Variants in AK8 observed in about 807,000 individuals in gnomAD.
AK8 encodes ATP-AMP transphosphorylase 8.
AK8 carries 44 observed loss-of-function variants against 54.6 expected under a neutral mutation model. The ratio of observed to expected loss-of-function variants is 0.81; its 90% CI spans 0.63 to 1.04. The LOEUF is 1.04. AK8 is among the 50% of genes least tolerant of loss of function. The probability of loss-of-function intolerance (pLI) is 0.00; values close to 1 mark genes in which losing one functional copy is unlikely to be tolerated. For synonymous variants in AK8, 239 were observed against 245.6 expected, an observed-to-expected ratio of 0.97 and a Z score of 0.25; for missense variants, 555 against 613.6, an observed-to-expected ratio of 0.90 and a Z score of 1.01.
intron 11 of AK8, among the ~76,000 whole-genome samples, chr9:132,729,329 C>A (rs758324880): frequency 6.6e-5 from 10 of 152,166 alleles, no homozygotes; most frequent in Non-Finnish European, 1.3e-4. Flanking sequence ...GGACAGCACC[C>A]ACCTCAAATA....
chr9:132,727,212 G>C (rs1564368065), intron 12 of AK8, among the ~76,000 whole-genome samples: 1 of 152,192 alleles, frequency 6.6e-6, no homozygotes. Context: ...TCCCAGGATA[G>C]AGTGGGTGAA....
At chr9:132,878,310 C>G, upstream of AK8, 3 of 1,319,066 alleles carry the variant, frequency 2.3e-6, no homozygotes, top group Non-Finnish European at 1.9e-6. The surrounding 1 kb of genome is among the most constrained non-coding windows in gnomAD (Gnocchi z 4.7). Context: ...GCCGCCGCGC[C>G]GACTGCGTCA....
chr9:132,752,251 C>CT (rs753096887), intron 11 of AK8, among the ~76,000 whole-genome samples: 2,732 of 134,006 alleles, frequency 0.02, 59 homozygotes, highest in African/African-American at 0.046. Context: ...CATTTTCTAA[C>CT]TTTTTTTTTT....
intron 11 of AK8, among the ~76,000 whole-genome samples, chr9:132,789,150 C>G (rs1013971914): frequency 2.0e-5 from 3 of 151,954 alleles, no homozygotes. Flanking sequence ...AAAAAATTAG[C>G]CAGGCGTGGT....
intron 5 of AK8, among the ~76,000 whole-genome samples, chr9:132,843,427 C>T (rs375560950): frequency 1.6e-4 from 24 of 152,266 alleles, no homozygotes; most frequent in South Asian, 1.0e-3. Context: ...TTATAGCCTG[C>T]GGAACCATGA....
At chr9:132,774,317 G>A (rs1485829277) in intron 11 of AK8, among the ~76,000 whole-genome samples, 1 of 152,156 alleles carries the variant, frequency 6.6e-6, no homozygotes, top group Non-Finnish European at 1.5e-5. Context: ...ACAAGGAGGC[G>A]ATGCCTGGAG....
chr9:132,841,937 G>T (rs974794762), intron 5 of AK8, among the ~76,000 whole-genome samples: 1 of 152,042 alleles, frequency 6.6e-6, no homozygotes, highest in African/African-American at 2.4e-5. Flanking sequence ...CCTGAACCCG[G>T]GGTCCCAAGG....
chr9:132,774,356 C>T (rs552670916), intron 11 of AK8, among the ~76,000 whole-genome samples: 150 of 152,218 alleles, frequency 9.9e-4, no homozygotes, highest in Non-Finnish European at 1.7e-3. Flanking sequence ...AGTAAGGCTG[C>T]ACTTCTATTT....
At chr9:132,824,042 GGTGA>G (rs979091093) in intron 8 of AK8, among the ~76,000 whole-genome samples, 6 of 152,296 alleles carry the variant, frequency 3.9e-5, no homozygotes, top group African/African-American at 7.2e-5. Flanking sequence ...GAGGAGATGG[GGTGA>G]GTGTCTCCAA....
At chr9:132,875,083 C>G (rs199605237) in intron 2 of AK8, 32 bp downstream of exon 2, 40 of 1,612,242 alleles carry the variant, frequency 2.5e-5, no homozygotes, top group Admixed American at 1.7e-4. Flanking sequence ...GAAGGGAAGA[C>G]GAGGAGGGGA....
intron 11 of AK8, among the ~76,000 whole-genome samples, chr9:132,784,861 G>A (rs1318802585): frequency 6.6e-6 from 1 of 152,066 alleles, no homozygotes; most frequent in Non-Finnish European, 1.5e-5. Context: ...TAAACAACTG[G>A]TGTTGAAATC....
At chr9:132,800,437 T>A (rs1840388389) in intron 10 of AK8, among the ~76,000 whole-genome samples, 1 of 152,188 alleles carries the variant, frequency 6.6e-6, no homozygotes, top group Non-Finnish European at 1.5e-5. Context: ...GATTGTTCCA[T>A]CGGCCGCACC....
At chr9:132,875,830 C>A (rs1012351017) in intron 1 of AK8, among the ~76,000 whole-genome samples, 1 of 152,192 alleles carries the variant, frequency 6.6e-6, no homozygotes, top group South Asian at 2.1e-4. Context: ...AGATGCCCAG[C>A]GCAGATGTTT....
At chr9:132,858,171 G>C (rs879709687) in intron 4 of AK8, among the ~76,000 whole-genome samples, 1 of 152,214 alleles carries the variant, frequency 6.6e-6, no homozygotes, top group African/African-American at 2.4e-5. Context: ...CTTAAGGGCA[G>C]GACAGGCTGT....
Position 132,803,325 on chromosome 9 carries a change from T to C in AK8, c.980-10550A>G, listed in dbSNP as rs1348026324. Among the ~76,000 whole-genome samples the C allele has an allele frequency of 6.6e-6, 1 of 152,152 alleles. No homozygotes were observed. Among genetic ancestry groups the C allele is most frequent in the East Asian group, 1.9e-4 (1 of 5,186 alleles). On this transcript the variant is annotated intron_variant, in intron 10 of 12. Transcript: ENST00000298545. This position sits in a 1 kb window ranked among gnomAD's most constrained non-coding sequence, Gnocchi z 4.4. The stretch of plus-strand genomic sequence containing the variant: ...AAACTGGAGCTTTGTCAGTTCCCAG[T>C]TACCGCAGGGACTAGGTCCCCAAAG...
At chr9:132,762,947 T>C (rs1320140159) in intron 11 of AK8, among the ~76,000 whole-genome samples, 1 of 151,982 alleles carries the variant, frequency 6.6e-6, no homozygotes, top group Admixed American at 6.6e-5. Flanking sequence ...CCAGCCAGAG[T>C]CAGCCAGGAA....
chr9:132,814,506 C>T, intron 10 of AK8, 132 bp downstream of exon 10: 2 of 865,790 alleles, frequency 2.3e-6, no homozygotes, highest in Middle Eastern at 3.4e-4. Flanking sequence ...CCTTTGCTTA[C>T]AAGAAAACCC....
intron 5 of AK8, among the ~76,000 whole-genome samples, chr9:132,842,074 CA>C (rs1842566178): frequency 1.3e-5 from 2 of 152,186 alleles, no homozygotes; most frequent in South Asian, 4.1e-4. Context: ...AGTCGCTAAA[CA>C]GATCCAAAAT....
chr9:132,803,216 C>T lies in AK8; in HGVS notation c.980-10441G>A, dbSNP rs772533499. 2.0e-5 allele frequency among the ~76,000 whole-genome samples: 3 copies of T among 152,084 alleles called. No individual in the cohort carries two copies. Among genetic ancestry groups the T allele is most frequent in the Non-Finnish European group, 4.4e-5 (3 of 68,022 alleles). On this transcript the variant is annotated intron_variant, in intron 10 of 12. Transcript: ENST00000298545. The surrounding 1 kb of genome is among the most constrained non-coding windows in gnomAD (Gnocchi z 4.4). The stretch of plus-strand genomic sequence containing the variant: ...CTCCCACCGGGTCCCTCCCATGACA[C>T]GTGAGGATTATGGGAACTACAGTTC...
Sources: allele counts gnomAD v4.1 joint callset (sites outside exome capture counted in the v4.1 genomes callset), GRCh38; gene constraint gnomAD v4.1.1; non-coding constraint Gnocchi (gnomAD v3.1); transcripts MANE v1.5; gene names NCBI Gene and HGNC (gene_info 2026-07-23, HGNC 2026-07-21).